The following EPHA6 variants were observed in gnomAD, a reference collection of about 807,000 sequenced individuals.
EPHA6 encodes EPH receptor A6.
EPHA6 carries 50 observed loss-of-function variants against 112.0 expected under a neutral mutation model. The observed-to-expected ratio is 0.45, with a 90% CI of 0.36 to 0.56. The LOEUF is 0.56. Ranked by LOEUF, EPHA6 falls within the 20% of genes least tolerant of loss-of-function variation. EPHA6 has a pLI of 0.00. For missense variants in EPHA6, 1,280 were observed against 1,417.4 expected (o/e 0.90, Z 1.56); for synonymous variants, 529 against 490.7 (o/e 1.08, Z -1.03).
intron 3 of EPHA6, among the ~76,000 whole-genome samples, chr3:97,127,502 C>T (rs2048214802): frequency 6.6e-6 from 1 of 152,034 alleles, no homozygotes; most frequent in Non-Finnish European, 1.5e-5. Context: ...GGCAGATCAT[C>T]TGAGGTTAGG....
intron 4 of EPHA6, among the ~76,000 whole-genome samples, chr3:97,235,687 C>G (rs1163047520): frequency 6.6e-6 from 1 of 152,062 alleles, no homozygotes. Context: ...CCCACTGCTG[C>G]TTATAGCCTT....
intron 3 of EPHA6, among the ~76,000 whole-genome samples, chr3:97,141,293 G>A: frequency 6.6e-6 from 1 of 151,930 alleles, no homozygotes; most frequent in East Asian, 1.9e-4. Flanking sequence ...AATCAACAAA[G>A]GGCCTCTGGA....
intron 2 of EPHA6, among the ~76,000 whole-genome samples, chr3:96,892,457 A>G (rs1295769142): frequency 6.6e-6 from 1 of 152,044 alleles, no homozygotes; most frequent in African/African-American, 2.4e-5. Flanking sequence ...TCATGACTTC[A>G]AGTGATCCAC....
intron 3 of EPHA6, among the ~76,000 whole-genome samples, chr3:97,011,037 T>A (rs2044067733): frequency 6.6e-6 from 1 of 152,274 alleles, no homozygotes; most frequent in African/African-American, 2.4e-5. Flanking sequence ...TACTTACTTG[T>A]AACCAAACTA....
At chr3:97,158,775 G>A (rs1443985385) in intron 3 of EPHA6, among the ~76,000 whole-genome samples, 1 of 152,112 alleles carries the variant, frequency 6.6e-6, no homozygotes. Context: ...ATTGGACCAG[G>A]GGAACAATCA....
intron 11 of EPHA6, among the ~76,000 whole-genome samples, chr3:97,547,620 A>AGGTT (rs2107697985): frequency 6.6e-6 from 1 of 152,276 alleles, no homozygotes; most frequent in African/African-American, 2.4e-5. Context: ...AAGTCTGCAG[A>AGGTT]GGTTACTGCT....
chr3:96,880,048 C>T (rs1386418593), intron 2 of EPHA6, among the ~76,000 whole-genome samples: 1 of 151,882 alleles, frequency 6.6e-6, no homozygotes, highest in Non-Finnish European at 1.5e-5. Flanking sequence ...CAGACTTCAC[C>T]ACTATACAGT....
At chr3:97,059,911 AG>A (rs1402601639) in intron 3 of EPHA6, among the ~76,000 whole-genome samples, 1 of 152,026 alleles carries the variant, frequency 6.6e-6, no homozygotes, top group East Asian at 1.9e-4. Context: ...TCATGAGGTC[AG>A]GAGTTCAAGA....
At chr3:97,255,144 ATGTGTGTGTGTGTG>A (rs10631180) in intron 5 of EPHA6, among the ~76,000 whole-genome samples, 2 of 144,372 alleles carry the variant, frequency 1.4e-5, no homozygotes, top group Non-Finnish European at 1.5e-5. Context: ...TACATCTTGG[ATGTGTGTGTGTGTG>A]TGTGTGTGTG....
chr3:97,108,382 C>A (rs1447547046), intron 3 of EPHA6, among the ~76,000 whole-genome samples: 5 of 152,262 alleles, frequency 3.3e-5, no homozygotes, highest in African/African-American at 1.2e-4. Flanking sequence ...CATTCCAGCC[C>A]TGGTATGGGA....
intron 7 of EPHA6, among the ~76,000 whole-genome samples, chr3:97,463,138 A>G (rs2090945257): frequency 6.6e-6 from 1 of 152,184 alleles, no homozygotes; most frequent in Non-Finnish European, 1.5e-5. Context: ...TCTAGGGTAC[A>G]TGTGCACAAC....
chr3:96,977,941 C>G (rs1446076794), intron 2 of EPHA6, among the ~76,000 whole-genome samples: 2 of 152,078 alleles, frequency 1.3e-5, no homozygotes, highest in Non-Finnish European at 2.9e-5. Flanking sequence ...GGTGTATCAC[C>G]TGAGCTCAGG....
chr3:96,931,840 G>A (rs923800971), intron 2 of EPHA6, among the ~76,000 whole-genome samples: 3 of 152,116 alleles, frequency 2.0e-5, no homozygotes, highest in African/African-American at 7.2e-5. Flanking sequence ...CGCTTCCTAG[G>A]GATATGCATG....
chr3:96,940,150 G>A (rs1001537565), intron 2 of EPHA6, among the ~76,000 whole-genome samples: 21 of 152,246 alleles, frequency 1.4e-4, no homozygotes, highest in Non-Finnish European at 2.4e-4. Flanking sequence ...TTCAATTCCT[G>A]GGTATCCTTG....
chr3:97,515,639 A>G (rs2092435672), intron 10 of EPHA6, among the ~76,000 whole-genome samples: 1 of 152,286 alleles, frequency 6.6e-6, no homozygotes, highest in Middle Eastern at 3.4e-3. Flanking sequence ...CTGATACACT[A>G]GGTCACAAAA....
At chr3:96,896,783 A>C (rs569546819) in intron 2 of EPHA6, among the ~76,000 whole-genome samples, 55 of 152,278 alleles carry the variant, frequency 3.6e-4, no homozygotes, top group African/African-American at 1.3e-3. Flanking sequence ...AAGACTCTTC[A>C]CTTACCTATT....
At chr3:97,149,095 A>G (rs1403804247) in intron 3 of EPHA6, among the ~76,000 whole-genome samples, 2 of 152,142 alleles carry the variant, frequency 1.3e-5, no homozygotes, top group African/African-American at 4.8e-5. Context: ...AAGAAATGTT[A>G]TAGCTTCATG....
At chr3:97,052,874 G>A (rs1360420302) in intron 3 of EPHA6, among the ~76,000 whole-genome samples, 1 of 152,034 alleles carries the variant, frequency 6.6e-6, no homozygotes, top group African/African-American at 2.4e-5. Context: ...CTCTATCAGG[G>A]GAGGCCTACC....
chr3:96,901,275 T>C (rs1015484666), intron 2 of EPHA6, among the ~76,000 whole-genome samples: 4 of 152,140 alleles, frequency 2.6e-5, no homozygotes, highest in African/African-American at 9.7e-5. Flanking sequence ...AAAAATCTTA[T>C]GTTGGACTAT....
Sources: allele counts gnomAD v4.1 joint callset (sites outside exome capture counted in the v4.1 genomes callset), GRCh38; gene constraint gnomAD v4.1.1; transcripts MANE v1.5; gene names NCBI Gene and HGNC (gene_info 2026-07-23, HGNC 2026-07-21).